The following PHF24 variants were observed in gnomAD, a reference collection of about 807,000 sequenced individuals.
PHF24 encodes the protein Galpha inhibitory interacting protein.
In PHF24, 25 loss-of-function variants were observed where a neutral mutation model predicts 42.6. That is an observed-to-expected ratio of 0.59 (90% CI 0.43 to 0.82). PHF24 has a LOEUF of 0.82. Ranked by LOEUF, PHF24 falls within the 40% of genes least tolerant of loss-of-function variation. The pLI is 0.00. For missense variants in PHF24, 470 were observed against 538.1 expected, an observed-to-expected ratio of 0.87 and a Z score of 1.25; for synonymous variants, 185 against 204.8, an observed-to-expected ratio of 0.90 and a Z score of 0.83.
At chr9:34,758,094 GAT>G in the PHF24 span, among the ~76,000 whole-genome samples, 3,639 of 152,260 alleles carry the variant, frequency 0.024, 70 homozygotes, top group Non-Finnish European at 0.033. The surrounding 1 kb of genome is among the most constrained non-coding windows in gnomAD (Gnocchi z 4.4). Context: ...CTGGCTTGGG[GAT>G]ATGTTTGCTG....
the PHF24 span, among the ~76,000 whole-genome samples, chr9:34,821,909 A>T: frequency 6.6e-6 from 1 of 152,242 alleles, no homozygotes; most frequent in African/African-American, 2.4e-5. Flanking sequence ...AAATCCCTTC[A>T]ATAAACCCAT....
the PHF24 span, among the ~76,000 whole-genome samples, chr9:34,778,486 G>A: frequency 6.6e-6 from 1 of 152,128 alleles, no homozygotes; most frequent in African/African-American, 2.4e-5. Flanking sequence ...ACTGGTCTCA[G>A]ACAAAATAGA....
chr9:34,681,635 G>C, the PHF24 span, among the ~76,000 whole-genome samples: 29 of 152,408 alleles, frequency 1.9e-4, no homozygotes, highest in African/African-American at 6.7e-4. Context: ...ACATGGTGAA[G>C]CCCTGTCTCT....
the PHF24 span, chr9:34,690,424 C>CTGTGTGTGTGTGTG: frequency 2.9e-3 from 1,743 of 608,162 alleles, 8 homozygotes; most frequent in South Asian, 4.9e-3. Context: ...TTGAGGACAC[C>CTGTGTGTGTGTGTG]TGTGTGTGTG....
the PHF24 span, among the ~76,000 whole-genome samples, chr9:34,798,617 G>T: frequency 6.6e-6 from 1 of 152,172 alleles, no homozygotes; most frequent in South Asian, 2.1e-4. Flanking sequence ...CTCCACCAGT[G>T]ATGGGCACCT....
At chr9:34,780,294 T>TC in the PHF24 span, among the ~76,000 whole-genome samples, 276 of 89,794 alleles carry the variant, frequency 3.1e-3, 6 homozygotes, top group African/African-American at 8.5e-3. Context: ...TTTTTTCTTT[T>TC]TTTCTTTTTT....
the PHF24 span, among the ~76,000 whole-genome samples, chr9:34,814,388 G>A: frequency 6.6e-6 from 1 of 152,166 alleles, no homozygotes; most frequent in African/African-American, 2.4e-5. Flanking sequence ...ATTTCTCAGC[G>A]TTATATTTAC....
At chr9:34,913,831 A>G in the PHF24 span, among the ~76,000 whole-genome samples, 1 of 152,176 alleles carries the variant, frequency 6.6e-6, no homozygotes, top group African/African-American at 2.4e-5. Context: ...TGCCTGGTCC[A>G]GGTGAGTCCA....
chr9:34,946,435 T>C, the PHF24 span, among the ~76,000 whole-genome samples: 6 of 152,240 alleles, frequency 3.9e-5, no homozygotes, highest in Admixed American at 3.9e-4. Context: ...ATTGACACTA[T>C]TTCTCTTGTA....
At chr9:34,854,631 G>A in the PHF24 span, among the ~76,000 whole-genome samples, 2 of 152,298 alleles carry the variant, frequency 1.3e-5, no homozygotes, top group East Asian at 1.9e-4. Flanking sequence ...TTATGCTGTA[G>A]TATGGGAGAC....
the PHF24 span, among the ~76,000 whole-genome samples, chr9:34,882,560 A>T: frequency 3.8e-4 from 56 of 147,514 alleles, no homozygotes; most frequent in African/African-American, 8.9e-4. Flanking sequence ...GTATTCCTGT[A>T]CACCAGTAAC....
exon 2 of PHF24, chr9:34,971,358 T>G: frequency 6.2e-7 from 1 of 1,613,994 alleles, no homozygotes; most frequent in Non-Finnish European, 8.5e-7. Flanking sequence ...TGAGTCTGGC[T>G]GTGTCTGCTT....
At chr9:34,928,300 A>G in the PHF24 span, among the ~76,000 whole-genome samples, 1 of 152,130 alleles carries the variant, frequency 6.6e-6, no homozygotes, top group Non-Finnish European at 1.5e-5. Context: ...AAAAATAACT[A>G]AAAGAGTATA....
the PHF24 span, chr9:34,917,824 A>T: frequency 7.0e-7 from 1 of 1,438,830 alleles, no homozygotes; most frequent in Non-Finnish European, 9.8e-7. Context: ...ATGGGAGATC[A>T]TCTCTGGGTG....
At chr9:34,881,941 A>G in the PHF24 span, among the ~76,000 whole-genome samples, 1 of 152,234 alleles carries the variant, frequency 6.6e-6, no homozygotes, top group African/African-American at 2.4e-5. Flanking sequence ...ATCCCTGATG[A>G]ATATTGATGC....
the PHF24 span, among the ~76,000 whole-genome samples, chr9:34,911,902 G>A: frequency 3.3e-5 from 5 of 152,140 alleles, no homozygotes; most frequent in Non-Finnish European, 5.9e-5. Flanking sequence ...GAGTTTCCTG[G>A]GTTGTTTTCT....
At chr9:34,803,179 A>C in the PHF24 span, among the ~76,000 whole-genome samples, 1 of 152,168 alleles carries the variant, frequency 6.6e-6, no homozygotes, top group Non-Finnish European at 1.5e-5. Flanking sequence ...TTGCCAATCA[A>C]GAATCACGTT....
At chr9:34,837,086 C>G in the PHF24 span, 1 of 471,308 alleles carries the variant, frequency 2.1e-6, no homozygotes, top group African/African-American at 2.0e-5. Context: ...CAGAGAACAG[C>G]TCTTGTGGCT....
At chr9:34,707,880 C>T in the PHF24 span, among the ~76,000 whole-genome samples, 2 of 152,068 alleles carry the variant, frequency 1.3e-5, no homozygotes, top group African/African-American at 2.4e-5. Context: ...TACAGGCGCC[C>T]GCCACAATGC....
Sources: allele counts gnomAD v4.1 joint callset (sites outside exome capture counted in the v4.1 genomes callset), GRCh38; gene constraint gnomAD v4.1.1; non-coding constraint Gnocchi (gnomAD v3.1); transcripts MANE v1.5; gene names NCBI Gene and HGNC (gene_info 2026-07-23, HGNC 2026-07-21).